The following SUCLG2 variants were observed in gnomAD, a reference collection of about 807,000 sequenced individuals.
SUCLG2 encodes the protein succinate-CoA ligase GDP-forming subunit beta.
A neutral mutation model predicts 47.9 loss-of-function variants in SUCLG2; 42 were observed. That is an observed-to-expected ratio of 0.88 (90% CI 0.69 to 1.14). The LOEUF is 1.14. SUCLG2 is among the 50% of genes most tolerant of loss of function. The pLI, the probability that SUCLG2 is intolerant of heterozygous loss-of-function variation, is 0.00. For missense variants in SUCLG2, 571 were observed against 525.9 expected, an observed-to-expected ratio of 1.09 and a Z score of -0.84; for synonymous variants, 195 against 197.3, an observed-to-expected ratio of 0.99 and a Z score of 0.10.
chr3:67,522,643 C>A (rs2107133432), intron 4 of SUCLG2, among the ~76,000 whole-genome samples: 1 of 150,826 alleles, frequency 6.6e-6, no homozygotes, highest in South Asian at 2.1e-4. Context: ...AATGAAAGCA[C>A]TAACATTGCT....
chr3:67,452,387 T>G (rs1423966678), intron 9 of SUCLG2, among the ~76,000 whole-genome samples: 1 of 152,250 alleles, frequency 6.6e-6, no homozygotes, highest in African/African-American at 2.4e-5. Context: ...AATTTGGGCC[T>G]GCTTTTACAA....
intron 10 of SUCLG2, among the ~76,000 whole-genome samples, chr3:67,399,118 A>T (rs924724884): frequency 6.6e-6 from 1 of 151,482 alleles, no homozygotes; most frequent in Non-Finnish European, 1.5e-5. Flanking sequence ...ACATGTATAC[A>T]TAGGTAACTA....
chr3:67,561,054 A>G (rs2634742), intron 2 of SUCLG2, among the ~76,000 whole-genome samples: 34,696 of 145,840 alleles, frequency 0.24, 6,401 homozygotes, highest in East Asian at 0.49. Flanking sequence ...CTGACTCCAC[A>G]AGATGCTAAA....
At chr3:67,558,298 A>G (rs995473796) in intron 2 of SUCLG2, among the ~76,000 whole-genome samples, 2 of 151,852 alleles carry the variant, frequency 1.3e-5, no homozygotes, top group Non-Finnish European at 2.9e-5. Flanking sequence ...CCTCATAAGA[A>G]ACAATTAAAA....
chr3:67,620,600 A>AAAAAAAAAAAG (rs1700719254), intron 1 of SUCLG2, among the ~76,000 whole-genome samples: 2 of 150,840 alleles, frequency 1.3e-5, no homozygotes, highest in African/African-American at 2.4e-5. Flanking sequence ...AAAAAAAAAA[A>AAAAAAAAAAAG]AAAGAAAGAA....
At chr3:67,446,751 C>G (rs1484332199) in intron 9 of SUCLG2, among the ~76,000 whole-genome samples, 1 of 151,790 alleles carries the variant, frequency 6.6e-6, no homozygotes, top group Admixed American at 6.6e-5. Context: ...TCTTTTTAGG[C>G]AAAACAATGC....
At chr3:67,433,964 G>A (rs982009194) in intron 9 of SUCLG2, among the ~76,000 whole-genome samples, 3 of 151,920 alleles carry the variant, frequency 2.0e-5, no homozygotes, top group Admixed American at 6.6e-5. Context: ...CAATACCTAC[G>A]AGAACTCTGT....
intron 9 of SUCLG2, among the ~76,000 whole-genome samples, chr3:67,480,519 C>T (rs1704885601): frequency 6.6e-6 from 1 of 152,142 alleles, no homozygotes; most frequent in African/African-American, 2.4e-5. Context: ...AGGAACTAAG[C>T]CCTATGATGG....
intron 2 of SUCLG2, among the ~76,000 whole-genome samples, chr3:67,538,398 G>A (rs971881213): frequency 1.3e-5 from 2 of 151,744 alleles, no homozygotes; most frequent in East Asian, 1.9e-4. Flanking sequence ...GTGTTATTTC[G>A]GAGGCCTCTG....
At chr3:67,426,250 T>C (rs2106872166) in intron 9 of SUCLG2, among the ~76,000 whole-genome samples, 1 of 152,302 alleles carries the variant, frequency 6.6e-6, no homozygotes, top group East Asian at 1.9e-4. Context: ...CTCAGTGTCA[T>C]ATTAGCACCT....
intron 1 of SUCLG2, among the ~76,000 whole-genome samples, chr3:67,632,879 G>A (rs766037590): frequency 1.3e-5 from 2 of 152,120 alleles, no homozygotes; most frequent in Non-Finnish European, 2.9e-5. Flanking sequence ...ATACATTACA[G>A]TACCTAACAC....
At chr3:67,540,516 G>A (rs1480651507) in intron 2 of SUCLG2, among the ~76,000 whole-genome samples, 1 of 152,104 alleles carries the variant, frequency 6.6e-6, no homozygotes, top group African/African-American at 2.4e-5. Flanking sequence ...CTCTGGGCAG[G>A]GCATCTCTGA....
Position 67,387,536 on chromosome 3 carries a change from C to T in SUCLG2, c.1184-11677G>A, listed in dbSNP as rs576176264. Among the ~76,000 whole-genome samples, 77 of 152,276 alleles carry T rather than the reference C, an allele frequency of 5.1e-4. 2 individuals are homozygous for T. In the South Asian group the frequency reaches 0.014, roughly 28 times the overall value. ...AGAGGCCCACAATTTATTAGTTATT[C>T]ATACATTTCGAGAAAAGCTAGTTAC... On this transcript the variant is annotated intron_variant, in intron 10 of 10. Transcript: ENST00000307227.
At chr3:67,591,235 C>T (rs748453754) in intron 2 of SUCLG2, among the ~76,000 whole-genome samples, 4 of 152,048 alleles carry the variant, frequency 2.6e-5, no homozygotes, top group South Asian at 4.1e-4. Flanking sequence ...GCACAAACAG[C>T]GCATACAAGG....
At chr3:67,608,385 T>C (rs935735) in intron 2 of SUCLG2, among the ~76,000 whole-genome samples, 74,076 of 152,006 alleles carry the variant, frequency 0.49, 18,980 homozygotes, top group African/African-American at 0.64. Context: ...CTATCTCAGG[T>C]AAAAGAATAA....
At chr3:67,586,505 G>A (rs1708023069) in intron 2 of SUCLG2, among the ~76,000 whole-genome samples, 1 of 152,138 alleles carries the variant, frequency 6.6e-6, no homozygotes, top group South Asian at 2.1e-4. Context: ...GCCAATTTCA[G>A]TCCTTAGGCA....
intron 1 of SUCLG2, among the ~76,000 whole-genome samples, chr3:67,627,505 C>T (rs972140873): frequency 9.2e-5 from 14 of 152,170 alleles, no homozygotes; most frequent in African/African-American, 1.7e-4. Flanking sequence ...TTATCAGTGA[C>T]GTGCCAGTTA....
At position 67,438,799 on chromosome 3, in the gene SUCLG2, A is replaced by G. The variant is rs140870454; in HGVS notation, c.1063-37948T>C. 1.1e-4 allele frequency among the ~76,000 whole-genome samples: 16 copies of G among 152,310 alleles called. No individual in the cohort carries two copies. In the East Asian group the frequency reaches 3.1e-3, roughly 29 times the overall value. On this transcript the variant is annotated intron_variant, in intron 9 of 10. Transcript: ENST00000307227. ...TCAGACGGATTCACGGCCATATTCT[A>G]CCAGAGGTACAAAGAGGAGCTGGTA...
At chr3:67,586,702 A>G (rs1026638638) in intron 2 of SUCLG2, among the ~76,000 whole-genome samples, 1 of 152,224 alleles carries the variant, frequency 6.6e-6, no homozygotes, top group African/African-American at 2.4e-5. Context: ...TTTTGGCTTA[A>G]AGCAGCACAG....
Sources: allele counts gnomAD v4.1 joint callset (sites outside exome capture counted in the v4.1 genomes callset), GRCh38; gene constraint gnomAD v4.1.1; transcripts MANE v1.5; gene names NCBI Gene and HGNC (gene_info 2026-07-23, HGNC 2026-07-21).